Variants in GON7 observed in about 807,000 individuals in gnomAD.
The protein encoded by GON7 is GON7 subunit of KEOPS complex, also known as EKC/KEOPS complex subunit GON7.
In GON7, 2 loss-of-function variants were observed where a neutral mutation model predicts 7.6. The observed-to-expected ratio is 0.26, with a 90% CI of 0.11 to 0.83. The LOEUF (loss-of-function observed/expected upper bound fraction) is 0.83. GON7 is among the 40% of genes least tolerant of loss of function. The pLI, the probability that GON7 is intolerant of heterozygous loss-of-function variation, is 0.65. For synonymous variants in GON7, 54 were observed against 56.6 expected, an observed-to-expected ratio of 0.95 and a Z score of 0.20; for missense variants, 121 against 132.2, an observed-to-expected ratio of 0.92 and a Z score of 0.42.
chr14:93,205,689 C>G (rs1445600789), intron 1 of GON7, among the ~76,000 whole-genome samples: 2 of 151,908 alleles, frequency 1.3e-5, no homozygotes, highest in Non-Finnish European at 2.9e-5. Context: ...AAGTACCTGC[C>G]TATTTCTGCA....
intron 1 of GON7, among the ~76,000 whole-genome samples, chr14:93,206,453 G>A (rs1894345967): frequency 6.6e-6 from 1 of 152,116 alleles, no homozygotes; most frequent in Admixed American, 6.6e-5. Flanking sequence ...ACGTTTTTTT[G>A]TGAAATAAAC....
In GON7 at chr14:93,203,624, T is replaced by C. The variant is rs1332799167; in HGVS notation, c.*64A>G. ...TTCCAAATTAGAGCATAAGTCTTCC[T>C]TAAATGTCCTAGTGTGACAATAAGG... On this transcript the variant is annotated 3_prime_UTR_variant, in exon 2 of 2. Transcript: ENST00000306954. The C allele has an allele frequency of 3.6e-6, 5 of 1,376,058 alleles. No homozygotes were observed. The highest frequency in any genetic ancestry group is 5.1e-6 in the Non-Finnish European group (5 of 973,434). 85.2% of individuals were successfully genotyped at this position (1,376,058 alleles called of 1,614,324 possible). A position where few individuals can be genotyped will look rare whatever the true frequency, so the allele number is the denominator to read the frequency against.
chr14:93,203,994 CCACTCTT>C, intron 1 of GON7, among the ~76,000 whole-genome samples: 1 of 151,946 alleles, frequency 6.6e-6, no homozygotes, highest in South Asian at 2.1e-4. Context: ...ACCATAAAAT[CCACTCTT>C]TTTTTCTTTT....
rs906706567 is a variant in GON7 at position 93,206,680 on chromosome 14, G to T, written c.208+150C>A. On this transcript the variant is annotated intron_variant, in intron 1 of 1. Coordinates refer to ENST00000306954, the MANE Select transcript of GON7 (RefSeq NM_032490.5). Reference sequence around the variant, plus strand: ...GGATTACAGGCGTGAGCCCCACTTCGCCTAGCCCGCCAAAAATTTTTAGAT... The same window carrying T: ...GGATTACAGGCGTGAGCCCCACTTCTCCTAGCCCGCCAAAAATTTTTAGAT... 1.8e-5 allele frequency: 14 copies of T among 799,658 alleles called. No homozygotes were observed. The East Asian group carries it at 3.8e-4, about 22-fold the overall frequency. 49.5% of individuals were successfully genotyped at this position (799,658 alleles called of 1,614,324 possible).
At position 93,206,801 on chromosome 14, in the gene GON7, GGTCACTGCAGCACC is replaced by G; in HGVS notation, c.208+15_208+28del. 6.3e-7 allele frequency: 1 copy of G among 1,592,616 alleles called. No individual in the cohort carries two copies. Among genetic ancestry groups the G allele is most frequent in the South Asian group, 1.1e-5 (1 of 89,160 alleles). ...CCCCTGGGCGCCCGCCCCGTCCTCC[GGTCACTGCAGCACC>G]GTCTCAGAGCTCACCGTCCAAGTCC... On this transcript the variant is annotated intron_variant, in intron 1 of 1. Transcript: ENST00000306954.
In GON7 at chr14:93,206,998, G is replaced by A. The variant is rs1595262480; in HGVS notation, c.40C>T (p.Pro14Ser). The A allele has an allele frequency of 5.6e-6, 9 of 1,613,978 alleles. No homozygotes were observed. Among genetic ancestry groups the A allele is most frequent in the African/African-American group, 1.3e-5 (1 of 75,066 alleles). Reference protein sequence around the residue: ...LGEYVGQEGKPQKLRVSCEAP... With the variant: ...LGEYVGQEGKSQKLRVSCEAP... ...TCACAGGACACCCGCAGCTTCTGCGGCTTCCCTTCCTGCCCGACGTACTCT... is the reference window on the plus strand; with the variant it reads ...TCACAGGACACCCGCAGCTTCTGCGACTTCCCTTCCTGCCCGACGTACTCT... Residue 14 changes from proline to serine, a missense_variant, in exon 1 of 2, where the codon CCG (proline) becomes TCG (serine). Physicochemically the swap from Pro to Ser is moderately conservative, Grantham distance 74. Coordinates refer to ENST00000306954, the MANE Select transcript of GON7 (RefSeq NM_032490.5).
chr14:93,206,830 C>G lies in GON7; in HGVS notation c.208G>C (p.Gly70Arg), dbSNP rs371535451. The G allele has an allele frequency of 6.2e-7, 1 of 1,613,218 alleles. No homozygotes were observed. Among genetic ancestry groups the G allele is most frequent in the Non-Finnish European group, 8.5e-7 (1 of 1,179,702 alleles). The change falls in exon 1 of 2, where the codon GGT becomes CGT. Residue 70 changes from glycine (G) to arginine (R), a missense_variant and splice_region_variant. By Grantham distance (125) the Gly-to-Arg change is moderately radical. Coordinates refer to ENST00000306954, the MANE Select transcript of GON7 (RefSeq NM_032490.5). ...VAAAPDEDLD[G>R]DDEDDAEDEN... ...ACTGCAGCACCGTCTCAGAGCTCAC[C>G]GTCCAAGTCCTCGTCTGGAGCCGCC...
chr14:93,206,876 C>T lies in GON7; in HGVS notation c.162G>A (p.Gly54=). ...VTELFDPLVQ[G]EVQHRVAAAP... is the part of the protein sequence containing the mutation. ...CCGCCGCCACCCGGTGCTGCACTTC[C>T]CCCTGTACCAGAGGGTCGAATAATT... The change falls in exon 1 of 2, where the codon GGG becomes GGA. Residue 54 remains glycine, a synonymous_variant. Transcript: ENST00000306954. 6.2e-7 allele frequency: 1 copy of T among 1,614,188 alleles called. No homozygotes were observed. The highest frequency in any genetic ancestry group is 1.7e-5 in the Admixed American group (1 of 60,024).
At chr14:93,205,024 A>G (rs1894313270) in intron 1 of GON7, among the ~76,000 whole-genome samples, 1 of 152,188 alleles carries the variant, frequency 6.6e-6, no homozygotes, top group African/African-American at 2.4e-5. Context: ...GCTGTTATCA[A>G]CATTCATGCG....
Position 93,206,880 on chromosome 14 carries a change from T to A in GON7, c.158A>T (p.Gln53Leu). The change falls in exon 1 of 2, where the codon CAG (glutamine) becomes CTG (leucine). Residue 53 changes from glutamine (Q) to leucine (L), a missense_variant. By Grantham distance (113) the Gln-to-Leu change is moderately radical (BLOSUM62 -2). Coordinates refer to ENST00000306954, the MANE Select transcript of GON7 (RefSeq NM_032490.5). ...CGCCACCCGGTGCTGCACTTCCCCC[T>A]GTACCAGAGGGTCGAATAATTCCGT... ...MVTELFDPLVQGEVQHRVAAA... is the reference protein window; with the variant it reads ...MVTELFDPLVLGEVQHRVAAA... The A allele has an allele frequency of 1.9e-6, 3 of 1,614,170 alleles. No individual in the cohort carries two copies. The highest frequency in any genetic ancestry group is 2.5e-6 in the Non-Finnish European group (3 of 1,180,034).
At chr14:93,206,771 A>T (rs998381990) in intron 1 of GON7, 59 bp downstream of exon 1, 3 of 1,524,248 alleles carry the variant, frequency 2.0e-6, no homozygotes, top group Non-Finnish European at 2.7e-6. Context: ...TCCCCAAGCC[A>T]ATTTCCCCTG....
In GON7 at chr14:93,206,993, C is replaced by T. The variant is rs1251286739; in HGVS notation, c.45G>A (p.Gln15=). 1 of 1,613,998 alleles carries T rather than the reference C, an allele frequency of 6.2e-7. No individual in the cohort carries two copies. Among genetic ancestry groups the T allele is most frequent in the Non-Finnish European group, 8.5e-7 (1 of 1,180,056 alleles). The stretch of plus-strand genomic sequence containing the variant: ...GCGCCTCACAGGACACCCGCAGCTT[C>T]TGCGGCTTCCCTTCCTGCCCGACGT... The part of the protein sequence containing the change: ...GEYVGQEGKP[Q]KLRVSCEAPG... Residue 15 remains glutamine (Q), a synonymous_variant, in exon 1 of 2, where the codon CAG becomes CAA. Coordinates refer to ENST00000306954, the MANE Select transcript of GON7 (RefSeq NM_032490.5).
chr14:93,205,642 G>A (rs1894325040), intron 1 of GON7, among the ~76,000 whole-genome samples: 1 of 151,310 alleles, frequency 6.6e-6, no homozygotes, highest in Non-Finnish European at 1.5e-5. Flanking sequence ...ACTCAAGCCT[G>A]AGTGACAGAG....
chr14:93,206,050 C>T (rs1566818036), intron 1 of GON7, among the ~76,000 whole-genome samples: 1 of 151,988 alleles, frequency 6.6e-6, no homozygotes, highest in Non-Finnish European at 1.5e-5. Flanking sequence ...CTGTCGCCCA[C>T]GATAGAGTGC....
intron 1 of GON7, among the ~76,000 whole-genome samples, chr14:93,205,574 G>C (rs924013005): frequency 2.0e-5 from 3 of 152,046 alleles, no homozygotes; most frequent in African/African-American, 7.2e-5. Flanking sequence ...GGCTGAGACA[G>C]GAGAATCGCT....
intron 1 of GON7, among the ~76,000 whole-genome samples, chr14:93,204,448 A>G (rs142363948): frequency 6.6e-6 from 1 of 152,098 alleles, no homozygotes; most frequent in African/African-American, 2.4e-5. Flanking sequence ...GGCAACCACT[A>G]ATCTACTTTT....
At chr14:93,206,050 C>G (rs1566818036) in intron 1 of GON7, among the ~76,000 whole-genome samples, 1 of 151,988 alleles carries the variant, frequency 6.6e-6, no homozygotes, top group Non-Finnish European at 1.5e-5. Flanking sequence ...CTGTCGCCCA[C>G]GATAGAGTGC....
At chr14:93,206,193 TAG>T (rs1383473741) in intron 1 of GON7, among the ~76,000 whole-genome samples, 8 of 152,140 alleles carry the variant, frequency 5.3e-5, no homozygotes, top group African/African-American at 1.9e-4. Context: ...GTATTTTTAG[TAG>T]AGACAGGGTT....
At chr14:93,205,369 G>A (rs555630298) in intron 1 of GON7, among the ~76,000 whole-genome samples, 1 of 152,246 alleles carries the variant, frequency 6.6e-6, no homozygotes, top group Non-Finnish European at 1.5e-5. Context: ...AGCTCAGGAC[G>A]GTTAAAATGT....
Sources: gnomAD v4.1 joint callset for allele counts (sites outside exome capture counted in the v4.1 genomes callset) on GRCh38, gnomAD v4.1.1 for gene constraint, MANE v1.5 for transcripts, NCBI Gene and HGNC (gene_info 2026-07-23, HGNC 2026-07-21) for gene names.